PID1: variants seen among roughly 807,000 people sequenced by gnomAD.
PID1 encodes the protein PTB-containing, cubilin and LRP1-interacting protein.
PID1 carries 10 observed loss-of-function variants against 19.1 expected under a neutral mutation model. The ratio of observed to expected loss-of-function variants is 0.52; its 90% CI spans 0.32 to 0.89. The LOEUF (loss-of-function observed/expected upper bound fraction) is 0.89. Ranked by LOEUF, PID1 falls within the 40% of genes least tolerant of loss-of-function variation. The pLI is 0.03. For missense variants in PID1, 248 were observed against 285.3 expected (o/e 0.87, Z 0.94); for synonymous variants, 130 against 116.0 (o/e 1.12, Z -0.78).
intron 1 of PID1, among the ~76,000 whole-genome samples, chr2:229,205,309 G>C (rs1461679791): frequency 6.6e-6 from 1 of 151,638 alleles, no homozygotes; most frequent in Non-Finnish European, 1.5e-5. Context: ...CTATCTACCT[G>C]TGTATCTTTC....
chr2:229,259,291 T>C (rs1359389213), intron 1 of PID1, among the ~76,000 whole-genome samples: 2 of 152,200 alleles, frequency 1.3e-5, no homozygotes, highest in African/African-American at 4.8e-5. Flanking sequence ...GAGATGCAAG[T>C]ATTTTCTCCC....
In PID1 at chr2:229,138,523, G is replaced by A. The variant is rs1689902427; in HGVS notation, c.177+17295C>T. On this transcript the variant is annotated intron_variant, in intron 2 of 2. Coordinates refer to ENST00000392055, the MANE Select transcript of PID1 (RefSeq NM_001100818.2). The stretch of plus-strand genomic sequence containing the variant: ...GATACCCAGTGGCCCAAGGTCTAAT[G>A]TTCTACATTGTGGTCTCATGGTGTA... Among the ~76,000 whole-genome samples the A allele has an allele frequency of 2.0e-5, 3 of 152,106 alleles. No homozygotes were observed. The South Asian group carries it at 6.2e-4, about 32-fold the overall frequency.
chr2:229,041,405 C>A (rs529325584), intron 2 of PID1, among the ~76,000 whole-genome samples: 1 of 151,944 alleles, frequency 6.6e-6, no homozygotes, highest in Non-Finnish European at 1.5e-5. Context: ...GGTAGGAATC[C>A]ATGAATCAAT....
At chr2:229,192,107 C>A (rs548816286) in intron 1 of PID1, among the ~76,000 whole-genome samples, 80 of 151,882 alleles carry the variant, frequency 5.3e-4, no homozygotes, top group African/African-American at 1.8e-3. Flanking sequence ...AAAAAGAAAG[C>A]CAAACCAAAA....
Position 229,231,897 on chromosome 2 carries a change from T to TA in PID1, c.30+39116dup, listed in dbSNP as rs201326791. 9,599 of 1,489,088 alleles carry TA rather than the reference T, an allele frequency of 6.4e-3. 30 individuals carry two copies. The highest frequency in any genetic ancestry group is 7.6e-3 in the Non-Finnish European group (8,414 of 1,103,718). The allele number at this position is 1,489,088 out of a possible 1,614,324, so 92.2% of individuals were successfully genotyped here. A position where few individuals can be genotyped will look rare whatever the true frequency, so the allele number is the denominator to read the frequency against. On this transcript the variant is annotated intron_variant, in intron 1 of 2. Transcript: ENST00000392055. ...GAAATACCACAGAGTAGATAATTTA[T>TA]AAAAAAAAACAGAAATTGATTTTCT...
At chr2:229,172,203 C>A (rs1690724657) in intron 1 of PID1, among the ~76,000 whole-genome samples, 1 of 152,172 alleles carries the variant, frequency 6.6e-6, no homozygotes, top group Non-Finnish European at 1.5e-5. Context: ...TGAAGAAGGA[C>A]CTCTCTACCC....
At chr2:229,129,464 A>C (rs1049413467) in intron 2 of PID1, among the ~76,000 whole-genome samples, 2 of 151,818 alleles carry the variant, frequency 1.3e-5, no homozygotes, top group African/African-American at 4.8e-5. Flanking sequence ...CAAATTCCAT[A>C]TCAGCAATCA....
At chr2:229,223,486 A>G (rs1234034158) in intron 1 of PID1, among the ~76,000 whole-genome samples, 1 of 152,178 alleles carries the variant, frequency 6.6e-6, no homozygotes, top group East Asian at 1.9e-4. Flanking sequence ...GGTGTCTTTT[A>G]TTATTTGCTT....
At position 229,027,491 on chromosome 2, in the gene PID1, AC is replaced by A. The variant is rs1333764803; in HGVS notation, c.178-1384del. Among the ~76,000 whole-genome samples, 3 of 152,112 alleles carry A rather than the reference AC, an allele frequency of 2.0e-5. No individual in the cohort carries two copies. In the East Asian group the frequency reaches 5.8e-4, roughly 29 times the overall value. ...CACAGTTCACCAGGACAAAACTCTC[AC>A]CCTTGGCACCTGCACAGCTATGACT... is the stretch of plus-strand genomic sequence containing the variant. On this transcript the variant is annotated intron_variant, in intron 2 of 2. Coordinates refer to ENST00000392055, the MANE Select transcript of PID1 (RefSeq NM_001100818.2).
intron 1 of PID1, among the ~76,000 whole-genome samples, chr2:229,221,150 A>C (rs1457943994): frequency 6.6e-6 from 1 of 152,190 alleles, no homozygotes; most frequent in Non-Finnish European, 1.5e-5. Flanking sequence ...TAGGGTGGCC[A>C]ACTTGTCTTG....
In PID1 at chr2:229,121,249, G is replaced by A. The variant is rs564060045; in HGVS notation, c.177+34569C>T. 2.8e-3 allele frequency among the ~76,000 whole-genome samples: 420 copies of A among 152,228 alleles called. 1 individual carries two copies. Among genetic ancestry groups the A allele is most frequent in the African/African-American group, 9.7e-3 (401 of 41,520 alleles). ...CATCTCTGGTGGGAGTACCACATGG[G>A]AGATGGGGTCTCAGACAGTAATTTT... On this transcript the variant is annotated intron_variant, in intron 2 of 2. Coordinates refer to ENST00000392055, the MANE Select transcript of PID1 (RefSeq NM_001100818.2).
rs59302884 is a variant in PID1 at position 229,114,113 on chromosome 2, T to TTCTCTCTCTC, written c.177+41695_177+41704dup. ...TGGACTTGCCAGCATCTCTCTCTCT[T>TTCTCTCTCTC]TCTCTCTCTCTCTCTCTCTCTTTCT... On this transcript the variant is annotated intron_variant, in intron 2 of 2. Transcript: ENST00000392055. Among the ~76,000 whole-genome samples the TTCTCTCTCTC allele has an allele frequency of 3.6e-5, 5 of 138,874 alleles. No individual in the cohort carries two copies. The East Asian group carries it at 1.1e-3, about 32-fold the overall frequency. 91.1% of individuals were successfully genotyped at this position (138,874 alleles called of 152,430 possible). A position where few individuals can be genotyped will look rare whatever the true frequency, so the allele number is the denominator to read the frequency against.
chr2:229,263,223 G>A (rs1418619984), intron 1 of PID1, among the ~76,000 whole-genome samples: 4 of 152,134 alleles, frequency 2.6e-5, no homozygotes, highest in African/African-American at 9.7e-5. Context: ...ACTTTTGTTA[G>A]GAGGTAGGTT....
chr2:229,234,192 A>C (rs1356960065), intron 1 of PID1, among the ~76,000 whole-genome samples: 10 of 152,124 alleles, frequency 6.6e-5, no homozygotes, highest in Non-Finnish European at 1.5e-5. Flanking sequence ...TAAAACCTAA[A>C]ACCATGGAGG....
intron 2 of PID1, among the ~76,000 whole-genome samples, chr2:229,082,500 T>C (rs926893191): frequency 2.0e-5 from 3 of 152,228 alleles, no homozygotes; most frequent in Non-Finnish European, 2.9e-5. Flanking sequence ...TTTAATCATA[T>C]GAATTTTGTT....
chr2:229,241,329 A>G (rs919273803), intron 1 of PID1, among the ~76,000 whole-genome samples: 2 of 152,064 alleles, frequency 1.3e-5, no homozygotes, highest in Non-Finnish European at 2.9e-5. Flanking sequence ...AGGACTATTG[A>G]TTTGTGTTTT....
intron 1 of PID1, among the ~76,000 whole-genome samples, chr2:229,180,536 G>A (rs1690917876): frequency 6.6e-6 from 1 of 152,150 alleles, no homozygotes; most frequent in African/African-American, 2.4e-5. Flanking sequence ...GAACTTACTG[G>A]AAATGGAGGT....
chr2:229,230,419 G>A (rs1318130103), intron 1 of PID1, among the ~76,000 whole-genome samples: 1 of 152,210 alleles, frequency 6.6e-6, no homozygotes, highest in African/African-American at 2.4e-5. Context: ...TGCAATATGA[G>A]CCCTTCTTGG....
rs1164820500 is a variant in PID1, at chr2:229,039,553, T to C, written c.178-13445A>G. The stretch of plus-strand genomic sequence containing the variant: ...AGAACAAAAATATTTGATATATACT[T>C]AAAAATGTGCGGTTAACTAGAATAT... On this transcript the variant is annotated intron_variant, in intron 2 of 2. Transcript: ENST00000392055. Among the ~76,000 whole-genome samples, 3 of 152,200 alleles carry C rather than the reference T, an allele frequency of 2.0e-5. No individual in the cohort carries two copies. In the East Asian group the frequency reaches 5.8e-4, roughly 29 times the overall value.
Sources: allele counts gnomAD v4.1 joint callset (sites outside exome capture counted in the v4.1 genomes callset), GRCh38; gene constraint gnomAD v4.1.1; transcripts MANE v1.5; gene names NCBI Gene and HGNC (gene_info 2026-07-23, HGNC 2026-07-21).